The following PDE1C variants were observed in gnomAD, a reference collection of about 807,000 sequenced individuals.
The protein encoded by PDE1C is dual specificity calcium/calmodulin-dependent 3',5'-cyclic nucleotide phosphodiesterase 1C.
A neutral mutation model predicts 93.1 loss-of-function variants in PDE1C; 62 were observed. That is an observed-to-expected ratio of 0.67 (90% confidence interval 0.54 to 0.82). The LOEUF (loss-of-function observed/expected upper bound fraction) is 0.82. PDE1C is among the 40% of genes least tolerant of loss of function. The pLI is 0.00. For synonymous variants in PDE1C, 325 were observed against 310.1 expected (o/e 1.05, Z -0.50); for missense variants, 742 against 884.6 (o/e 0.84, Z 2.04).
At chr7:31,680,601 A>G in the PDE1C span, among the ~76,000 whole-genome samples, 1 of 152,236 alleles carries the variant, frequency 6.6e-6, no homozygotes, top group African/African-American at 2.4e-5. Flanking sequence ...TTAGGAGAAC[A>G]CAGTGGGAAT....
chr7:31,618,922 G>T, the PDE1C span, among the ~76,000 whole-genome samples: 2 of 152,136 alleles, frequency 1.3e-5, no homozygotes, highest in African/African-American at 4.8e-5. Context: ...GGATAAAATG[G>T]TTTATCATAT....
chr7:32,183,560 C>T (rs1803599108), intron 2 of PDE1C, among the ~76,000 whole-genome samples: 1 of 152,196 alleles, frequency 6.6e-6, no homozygotes, highest in Non-Finnish European at 1.5e-5. Flanking sequence ...AAAGGATTCC[C>T]TATTTAATAA....
At chr7:31,988,054 A>G (rs961636443) in intron 2 of PDE1C, among the ~76,000 whole-genome samples, 2 of 152,186 alleles carry the variant, frequency 1.3e-5, no homozygotes, top group African/African-American at 4.8e-5. Context: ...GCACTTGTGG[A>G]CCATAGGAAG....
chr7:31,694,859 AG>A, the PDE1C span, among the ~76,000 whole-genome samples: 1 of 152,200 alleles, frequency 6.6e-6, no homozygotes. Context: ...CAGAGGATTG[AG>A]AAAAGTAAAT....
intron 1 of PDE1C, among the ~76,000 whole-genome samples, chr7:32,306,812 C>A (rs991899070): frequency 3.3e-5 from 5 of 152,148 alleles, no homozygotes; most frequent in Non-Finnish European, 7.3e-5. Flanking sequence ...AAAACACATA[C>A]AAGAGGACTT....
chr7:31,968,709 A>G (rs563041881), intron 2 of PDE1C, among the ~76,000 whole-genome samples: 2 of 152,314 alleles, frequency 1.3e-5, no homozygotes, highest in South Asian at 4.1e-4. Flanking sequence ...ACTTCAAACT[A>G]TACTACAAGG....
At chr7:32,235,690 G>A (rs778066523) in intron 1 of PDE1C, among the ~76,000 whole-genome samples, 1 of 152,004 alleles carries the variant, frequency 6.6e-6, no homozygotes, top group Non-Finnish European at 1.5e-5. Flanking sequence ...GTGGTCCAGG[G>A]CTGGAAGACT....
chr7:32,202,356 T>C (rs1186464663), intron 2 of PDE1C, among the ~76,000 whole-genome samples: 1 of 152,228 alleles, frequency 6.6e-6, no homozygotes, highest in African/African-American at 2.4e-5. Context: ...TCCATCACTC[T>C]GACCACAACC....
Position 31,878,021 on chromosome 7 carries a change from T to C in PDE1C, c.441A>G (p.Thr147=). The change falls in exon 5 of 18, where the codon ACA becomes ACG. Residue 147 remains threonine (T), a synonymous_variant. Coordinates refer to ENST00000396191, the MANE Select transcript of PDE1C (RefSeq NM_001191057.4). Reference sequence around the variant, plus strand: ...GATAGCTCAGTCCAACCATGTTTGATGTCCGTCTATACATTCTGAAAAGCC... The same window carrying C: ...GATAGCTCAGTCCAACCATGTTTGACGTCCGTCTATACATTCTGAAAAGCC... ...GIFVERMYRR[T]SNMVGLSYPP... is the part of the protein sequence containing the mutation. The C allele has an allele frequency of 6.2e-7, 1 of 1,612,802 alleles. No individual in the cohort carries two copies. The highest frequency in any genetic ancestry group is 1.1e-5 in the South Asian group (1 of 90,976).
intron 3 of PDE1C, among the ~76,000 whole-genome samples, chr7:32,088,714 G>A (rs1281920747): frequency 2.8e-5 from 4 of 144,330 alleles, no homozygotes; most frequent in African/African-American, 1.1e-4. Context: ...TGAGCCACTC[G>A]CCTGTCTTTA....
chr7:32,141,787 G>A lies in PDE1C; in HGVS notation c.308+27998C>T, dbSNP rs377149185. Among the ~76,000 whole-genome samples the A allele has an allele frequency of 1.0e-4, 15 of 149,866 alleles. No individual in the cohort carries two copies. In the Admixed American group the frequency reaches 1.0e-3, roughly 10 times the overall value. On this transcript the variant is annotated intron_variant, in intron 3 of 18. Coordinates refer to the PDE1C transcript ENST00000396193. ...AGTTTGAAGTTTAGTCAATAGCCAT[G>A]TACTAATGTTGCTTTCTTGTTTTGA...
chr7:31,874,036 G>A (rs1187758592), intron 5 of PDE1C, among the ~76,000 whole-genome samples: 2 of 152,104 alleles, frequency 1.3e-5, no homozygotes, highest in Admixed American at 1.3e-4. Context: ...CACATCAATC[G>A]AAACTGCTGA....
chr7:31,964,793 G>A (rs562269705), intron 2 of PDE1C, among the ~76,000 whole-genome samples: 3 of 152,326 alleles, frequency 2.0e-5, no homozygotes, highest in South Asian at 4.1e-4. Context: ...AGCATTTACA[G>A]TTCACCAATA....
intron 1 of PDE1C, among the ~76,000 whole-genome samples, chr7:32,247,735 T>G (rs1326783288): frequency 6.6e-6 from 1 of 152,220 alleles, no homozygotes; most frequent in Non-Finnish European, 1.5e-5. Context: ...TAGATGATTT[T>G]GCCCAACTAT....
intron 1 of PDE1C, among the ~76,000 whole-genome samples, chr7:32,277,172 T>C (rs1249527071): frequency 6.6e-6 from 1 of 152,068 alleles, no homozygotes; most frequent in African/African-American, 2.4e-5. Flanking sequence ...TCACCTGAGC[T>C]TGGGAGGTCG....
the PDE1C span, among the ~76,000 whole-genome samples, chr7:31,710,625 G>C: frequency 2.6e-5 from 4 of 151,768 alleles, no homozygotes; most frequent in Non-Finnish European, 5.9e-5. Context: ...ATTTTTGCTA[G>C]CTGAGAATAA....
intron 2 of PDE1C, among the ~76,000 whole-genome samples, chr7:31,999,672 CA>C (rs1785210690): frequency 2.0e-5 from 3 of 152,190 alleles, no homozygotes; most frequent in African/African-American, 7.2e-5. Context: ...AGGCAAGAGA[CA>C]GATGAACTCA....
chr7:31,749,225 T>C (rs1048442854), downstream of PDE1C, among the ~76,000 whole-genome samples: 2 of 151,960 alleles, frequency 1.3e-5, no homozygotes, highest in Non-Finnish European at 2.9e-5. Flanking sequence ...CTGCCCTACC[T>C]TTGTGAGGTT....
intron 3 of PDE1C, among the ~76,000 whole-genome samples, chr7:32,127,177 T>C (rs1405370663): frequency 1.3e-5 from 2 of 152,126 alleles, no homozygotes; most frequent in African/African-American, 2.4e-5. Flanking sequence ...CCTGCCAGCC[T>C]TCAGAAGAGA....
Sources: allele counts gnomAD v4.1 joint callset (sites outside exome capture counted in the v4.1 genomes callset), GRCh38; gene constraint gnomAD v4.1.1; transcripts MANE v1.5; gene names NCBI Gene and HGNC (gene_info 2026-07-23, HGNC 2026-07-21).